The following MROH2B variants were observed in gnomAD, a reference collection of about 807,000 sequenced individuals.
MROH2B encodes the protein maestro heat-like repeat-containing protein family member 2B.
MROH2B carries 177 observed loss-of-function variants against 208.6 expected under a neutral mutation model. That is an observed-to-expected ratio of 0.85 (90% CI 0.75 to 0.96). The LOEUF (loss-of-function observed/expected upper bound fraction) is 0.96, where lower values mean the gene tolerates loss of function less well. MROH2B is among the 40% of genes least tolerant of loss of function. The pLI is 0.00. For synonymous variants in MROH2B, 728 were observed against 659.0 expected (o/e 1.10, Z -1.60); for missense variants, 2,002 against 1,878.7 (o/e 1.07, Z -1.21).
chr5:41,023,967 C>G (rs576501366), intron 24 of MROH2B, among the ~76,000 whole-genome samples: 4 of 152,214 alleles, frequency 2.6e-5, no homozygotes, highest in Admixed American at 1.3e-4. Flanking sequence ...AAAATCCTTT[C>G]CAGACAAGCA....
intron 24 of MROH2B, among the ~76,000 whole-genome samples, chr5:41,022,241 C>A (rs1261666438): frequency 1.3e-5 from 2 of 152,144 alleles, no homozygotes; most frequent in African/African-American, 2.4e-5. Context: ...AGAGCCAAAG[C>A]AGGGCGAGGC....
intron 24 of MROH2B, among the ~76,000 whole-genome samples, chr5:41,022,208 CAGTGGGTGCAGCCCACTG>C (rs1247363438): frequency 2.0e-5 from 3 of 152,108 alleles, no homozygotes; most frequent in African/African-American, 7.2e-5. Context: ...GGGGGCAGGA[CAGTGGGTGCAGCCCACTG>C]AGTGAGAGCC....
chr5:41,039,802 A>C (rs772449012), intron 19 of MROH2B, among the ~76,000 whole-genome samples: 2 of 152,150 alleles, frequency 1.3e-5, no homozygotes, highest in Non-Finnish European at 2.9e-5. Flanking sequence ...CCAGATGGTG[A>C]TGAGTGCTAT....
chr5:41,053,576 C>G (rs1362583683), intron 11 of MROH2B, among the ~76,000 whole-genome samples: 2 of 152,202 alleles, frequency 1.3e-5, no homozygotes, highest in African/African-American at 4.8e-5. Flanking sequence ...CCATTTTGAA[C>G]AGGGAAGCAG....
intron 19 of MROH2B, among the ~76,000 whole-genome samples, chr5:41,040,689 T>C (rs923022116): frequency 6.6e-6 from 1 of 152,158 alleles, no homozygotes; most frequent in South Asian, 2.1e-4. Context: ...TTTTTTGAGA[T>C]GGAGTCTCAC....
intron 5 of MROH2B, among the ~76,000 whole-genome samples, chr5:41,062,455 T>C (rs1012093520): frequency 6.6e-6 from 1 of 152,212 alleles, no homozygotes; most frequent in Admixed American, 6.5e-5. Flanking sequence ...AAATAACTCA[T>C]CAACATGGAC....
chr5:41,007,493 C>A, intron 33 of MROH2B, 39 bp from the exon 34 acceptor site: 1 of 1,448,434 alleles, frequency 6.9e-7, no homozygotes, highest in South Asian at 1.5e-5. Context: ...TAAGTTGACC[C>A]TTATAGGGAA....
intron 28 of MROH2B, 150 bp downstream of exon 28, chr5:41,017,700 G>T: frequency 2.6e-6 from 2 of 769,034 alleles, no homozygotes; most frequent in Non-Finnish European, 3.9e-6. Flanking sequence ...GATGGGGAGG[G>T]GAGAGGAGAG....
intron 35 of MROH2B, 77 bp downstream of exon 35, chr5:41,005,454 C>T (rs1579901457): frequency 2.1e-6 from 1 of 483,494 alleles, no homozygotes; most frequent in Non-Finnish European, 3.5e-6. Context: ...GGTTCCAGTG[C>T]ACACTGGGCT....
chr5:41,024,131 G>C (rs1057063595), intron 24 of MROH2B, among the ~76,000 whole-genome samples: 1 of 152,110 alleles, frequency 6.6e-6, no homozygotes, highest in Non-Finnish European at 1.5e-5. Flanking sequence ...ATCAACTAAA[G>C]AGCAAAATAA....
At chr5:41,044,964 G>T (rs898557228) in intron 18 of MROH2B, among the ~76,000 whole-genome samples, 1 of 152,094 alleles carries the variant, frequency 6.6e-6, no homozygotes, top group Non-Finnish European at 1.5e-5. Context: ...ACCCTCAGAG[G>T]TGGGTATTGT....
Position 41,051,100 on chromosome 5 carries a change from A to C in MROH2B, c.1231-10T>G, listed in dbSNP as rs1343573966. The C allele has an allele frequency of 2.0e-6, 3 of 1,512,754 alleles. No homozygotes were observed. The South Asian group carries it at 4.0e-5, about 20-fold the overall frequency. 93.7% of individuals were successfully genotyped at this position (1,512,754 alleles called of 1,614,324 possible). ...TTTTCACTGGTTTCTCCTTTAAGAAAGATCAAACAGGTGACTTGTTAATGA... is the reference window on the plus strand; with the variant it reads ...TTTTCACTGGTTTCTCCTTTAAGAACGATCAAACAGGTGACTTGTTAATGA... On this transcript the variant is annotated splice_polypyrimidine_tract_variant and intron_variant, in intron 12 of 41. Transcript: ENST00000399564.
At chr5:41,042,244 G>T in intron 18 of MROH2B, 36 bp from the exon 19 acceptor site, 1 of 1,301,948 alleles carries the variant, frequency 7.7e-7, no homozygotes, top group Non-Finnish European at 1.1e-6. Context: ...GATTTTAAGG[G>T]TTGGAAAGCA....
Position 41,051,018 on chromosome 5 carries a change from C to A in MROH2B, c.1303G>T (p.Val435Phe), listed in dbSNP as rs1379523439. 1 of 1,564,094 alleles carries A rather than the reference C, an allele frequency of 6.4e-7. No homozygotes were observed. Among genetic ancestry groups the A allele is most frequent in the Non-Finnish European group, 8.6e-7 (1 of 1,161,700 alleles). Residue 435 changes from valine (V) to phenylalanine (F), a missense_variant, in exon 13 of 42, where the codon GTC becomes TTC. Coordinates refer to ENST00000399564, the MANE Select transcript of MROH2B (RefSeq NM_173489.5). ...ACCAGTGGGTCCAGGGTTTTTAAGA[C>A]CTCAAGGCTTGTTTCTCGGACAGAT... Reference protein sequence around the residue: ...EESVRETSLEVLKTLDPLVIG... With the variant: ...EESVRETSLEFLKTLDPLVIG...
Position 41,065,336 on chromosome 5 carries a change from C to T in MROH2B, c.356G>A (p.Ser119Asn), listed in dbSNP as rs1426928511. 2 of 1,611,432 alleles carry T rather than the reference C, an allele frequency of 1.2e-6. No homozygotes were observed. Among genetic ancestry groups the T allele is most frequent in the South Asian group, 1.1e-5 (1 of 90,478 alleles). Reference protein sequence around the residue: ...VVLALAELATSYVSQSIPFMM... With the variant: ...VVLALAELATNYVSQSIPFMM... ...GGAGAATATTCCCGCTATACCATAG[C>T]TGGTTGCCAATTCAGCCAGGGCAAG... The change falls in exon 4 of 42, where the codon AGC becomes AAC. Residue 119 changes from serine to asparagine, a missense_variant. Ser to Asn is a conservative substitution (Grantham distance 46). Coordinates refer to ENST00000399564, the MANE Select transcript of MROH2B (RefSeq NM_173489.5).
chr5:41,068,759 G>A lies in MROH2B; in HGVS notation c.90+932C>T, dbSNP rs114535676. On this transcript the variant is annotated intron_variant, in intron 2 of 41. Coordinates refer to ENST00000399564, the MANE Select transcript of MROH2B (RefSeq NM_173489.5). ...AATGTTTGAGAAATAGTGTTCTTTC[G>A]GAAAGGTGACTTCTACTGAGAGATT... is the stretch of plus-strand genomic sequence containing the variant. Among the ~76,000 whole-genome samples the A allele has an allele frequency of 5.8e-3, 878 of 152,242 alleles. 7 individuals carry two copies. Among genetic ancestry groups the A allele is most frequent in the African/African-American group, 0.02 (836 of 41,524 alleles).
intron 1 of MROH2B, among the ~76,000 whole-genome samples, chr5:41,070,182 T>C (rs573107198): frequency 6.6e-6 from 1 of 152,282 alleles, no homozygotes; most frequent in South Asian, 2.1e-4. Flanking sequence ...ATCTTCTTTT[T>C]CCATACCCTT....
intron 24 of MROH2B, among the ~76,000 whole-genome samples, chr5:41,028,295 G>A (rs981446426): frequency 5.9e-5 from 9 of 152,106 alleles, no homozygotes; most frequent in African/African-American, 1.7e-4. Context: ...CCTCTGCCCC[G>A]TGGCAAGAGC....
intron 34 of MROH2B, among the ~76,000 whole-genome samples, chr5:41,006,779 A>G (rs565859536): frequency 1.3e-5 from 2 of 152,268 alleles, no homozygotes; most frequent in African/African-American, 4.8e-5. Context: ...TGTGGGAGCT[A>G]AGCTATTAGG....
Sources: gnomAD v4.1 joint callset for allele counts (sites outside exome capture counted in the v4.1 genomes callset) on GRCh38, gnomAD v4.1.1 for gene constraint, MANE v1.5 for transcripts, NCBI Gene and HGNC (gene_info 2026-07-23, HGNC 2026-07-21) for gene names.